Variants in PADI6 observed in about 807,000 individuals in gnomAD.
The protein encoded by PADI6 is inactive protein-arginine deiminase type-6.
PADI6 carries 66 observed loss-of-function variants against 78.2 expected under a neutral mutation model. That is an observed-to-expected ratio of 0.84 (90% CI 0.69 to 1.04). PADI6 has a LOEUF of 1.04. Among genes scored for constraint, PADI6 ranks in the 50% least tolerant of loss-of-function variants. The pLI is 0.00. For synonymous variants in PADI6, 397 were observed against 346.9 expected (o/e 1.14, Z -1.60); for missense variants, 854 against 866.1 (o/e 0.99, Z 0.18).
intron 11 of PADI6, 119 bp from the exon 12 acceptor site, chr1:17,394,832 C>T (rs374395920): frequency 1.4e-4 from 167 of 1,206,192 alleles, no homozygotes; most frequent in African/African-American, 4.1e-4. Context: ...CGCTATGGAC[C>T]GGCCTCTTTC....
chr1:17,376,845 T>C (rs1334103868), intron 3 of PADI6, among the ~76,000 whole-genome samples: 1 of 151,936 alleles, frequency 6.6e-6, no homozygotes, highest in Non-Finnish European at 1.5e-5. Context: ...AGTTTTTGGT[T>C]TGTGTGGGTT....
chr1:17,375,618 C>T, intron 3 of PADI6, 119 bp downstream of exon 3: 1 of 828,676 alleles, frequency 1.2e-6, no homozygotes, highest in Non-Finnish European at 1.9e-6. Context: ...TCCTGTGGGC[C>T]CCAGGAACTC....
chr1:17,400,487 A>G (rs1443608017), intron 15 of PADI6, among the ~76,000 whole-genome samples: 1 of 152,100 alleles, frequency 6.6e-6, no homozygotes, highest in East Asian at 1.9e-4. Flanking sequence ...AGCCTGGGCA[A>G]CAAGAGCAAA....
chr1:17,376,118 G>A (rs2075013516), intron 3 of PADI6, among the ~76,000 whole-genome samples: 1 of 152,008 alleles, frequency 6.6e-6, no homozygotes, highest in African/African-American at 2.4e-5. Context: ...GGGACTATAG[G>A]TGTGTGCCAC....
intron 8 of PADI6, among the ~76,000 whole-genome samples, chr1:17,391,548 A>T (rs1430620883): frequency 6.6e-6 from 1 of 152,206 alleles, no homozygotes. Context: ...TCAGCCTCAC[A>T]CACTGCTGTT....
At chr1:17,396,702 G>A (rs902180377) in intron 13 of PADI6, among the ~76,000 whole-genome samples, 3 of 152,038 alleles carry the variant, frequency 2.0e-5, no homozygotes, top group Admixed American at 6.5e-5. Flanking sequence ...CAAAGGTAAT[G>A]TAACCTGGAG....
intron 5 of PADI6, 30 bp downstream of exon 5, chr1:17,381,194 TTCTTGGTC>T: frequency 6.5e-7 from 1 of 1,540,464 alleles, no homozygotes; most frequent in East Asian, 2.4e-5. Context: ...CTGCCTTTCC[TTCTTGGTC>T]TCTTTGCTGC....
At position 17,389,208 on chromosome 1, in the gene PADI6, C is replaced by T. The variant is rs550018230; in HGVS notation, c.962+328C>T. On this transcript the variant is annotated intron_variant, in intron 8 of 15. Coordinates refer to ENST00000619609, the MANE Select transcript of PADI6 (RefSeq NM_207421.4). Reference sequence around the variant, plus strand: ...TGTCCCAGGGACGATGAAGCTCCTACGGAGCCAGAGAACAGGTGTGAGCCC... The same window carrying T: ...TGTCCCAGGGACGATGAAGCTCCTATGGAGCCAGAGAACAGGTGTGAGCCC... Among the ~76,000 whole-genome samples, 12 of 152,292 alleles carry T rather than the reference C, an allele frequency of 7.9e-5. No individual in the cohort carries two copies. In the South Asian group the frequency reaches 1.0e-3, roughly 13 times the overall value.
At position 17,394,364 on chromosome 1, in the gene PADI6, T is replaced by C. The variant is rs372065243; in HGVS notation, c.1247T>C (p.Ile416Thr). 97 of 1,613,708 alleles carry C rather than the reference T, an allele frequency of 6.0e-5. No individual in the cohort carries two copies. Among genetic ancestry groups the C allele is most frequent in the Middle Eastern group, 1.6e-4 (1 of 6,084 alleles). Residue 416 changes from isoleucine to threonine, a missense_variant, in exon 11 of 16, where the codon ATT (isoleucine) becomes ACT (threonine). Ile to Thr is a moderately conservative substitution (Grantham distance 89). Transcript: ENST00000619609. The stretch of plus-strand genomic sequence containing the variant: ...CATAAAGTGGCCAGCATGGATTCCA[T>C]TGGGAACCTGATGGTGTCCCCACCT... ...EDHKVASMDS[I>T]GNLMVSPPVK...
At chr1:17,373,471 GATTT>G (rs1320398884) in intron 2 of PADI6, among the ~76,000 whole-genome samples, 1 of 151,438 alleles carries the variant, frequency 6.6e-6, no homozygotes, top group East Asian at 2.0e-4. Context: ...GCAGGACTGG[GATTT>G]ATTTTTTATT....
intron 8 of PADI6, among the ~76,000 whole-genome samples, chr1:17,391,656 C>T (rs1464817468): frequency 4.6e-5 from 7 of 152,202 alleles, no homozygotes; most frequent in Non-Finnish European, 7.3e-5. Flanking sequence ...CAACGCCACA[C>T]ATATAAAAAT....
In PADI6 at chr1:17,384,597, G is replaced by GGT. The variant is rs202198293; in HGVS notation, c.679+2509_679+2510dup. ...CTGCTAAAAATACCAAAATTAGCTA[G>GGT]GTGTGGTGGCTTTAGCTTGTAATCC... is the stretch of plus-strand genomic sequence containing the variant. On this transcript the variant is annotated intron_variant, in intron 6 of 15. Coordinates refer to ENST00000619609, the MANE Select transcript of PADI6 (RefSeq NM_207421.4). Among the ~76,000 whole-genome samples the GGT allele has an allele frequency of 3.2e-3, 492 of 152,324 alleles. 3 individuals are homozygous for GGT. The highest frequency in any genetic ancestry group is 0.011 in the African/African-American group (452 of 41,572).
intron 8 of PADI6, among the ~76,000 whole-genome samples, chr1:17,389,890 C>T (rs1026616250): frequency 1.3e-5 from 2 of 152,242 alleles, no homozygotes; most frequent in Admixed American, 6.5e-5. Context: ...CTCCAGATTA[C>T]TACCACCACG....
chr1:17,396,406 G>A (rs1447204290), intron 13 of PADI6, among the ~76,000 whole-genome samples: 1 of 152,116 alleles, frequency 6.6e-6, no homozygotes, highest in Non-Finnish European at 1.5e-5. Flanking sequence ...AAAGGCTGTA[G>A]GAACCCAGAA....
At position 17,378,312 on chromosome 1, in the gene PADI6, C is replaced by T. The variant is rs137922177; in HGVS notation, c.368-1608C>T. Among the ~76,000 whole-genome samples the T allele has an allele frequency of 1.5e-4, 23 of 152,276 alleles. No homozygotes were observed. The East Asian group carries it at 2.1e-3, about 14-fold the overall frequency. The stretch of plus-strand genomic sequence containing the variant: ...AAGGAGATGAGGTCTCCGTCTTGCA[C>T]GCTGCTAGATCCCTAGGACCTGGGG... On this transcript the variant is annotated intron_variant, in intron 3 of 15. Coordinates refer to ENST00000619609, the MANE Select transcript of PADI6 (RefSeq NM_207421.4).
chr1:17,394,203 C>CG (rs2075222555), intron 10 of PADI6, 97 bp from the exon 11 acceptor site: 3 of 1,553,696 alleles, frequency 1.9e-6, no homozygotes, highest in Non-Finnish European at 2.6e-6. Flanking sequence ...GGGGAGGGGA[C>CG]GTGGAAGTCT....
At chr1:17,373,760 G>A (rs1239515738) in intron 2 of PADI6, among the ~76,000 whole-genome samples, 2 of 152,142 alleles carry the variant, frequency 1.3e-5, no homozygotes, top group African/African-American at 4.8e-5. Flanking sequence ...CCAAAGTGCT[G>A]GGATTACAGG....
chr1:17,397,401 G>A (rs2075257583), intron 14 of PADI6, among the ~76,000 whole-genome samples: 1 of 152,174 alleles, frequency 6.6e-6, no homozygotes, highest in South Asian at 2.1e-4. Context: ...GCTTGGAAGA[G>A]GGCTGGAAGT....
In PADI6 at chr1:17,394,100, G is replaced by T; in HGVS notation, c.1182+18G>T. ...ACTCACTGGTGTGGAACTTGGTTTG[G>T]CTAATCTGAGCTCAGTCCAATCTCT... is the stretch of plus-strand genomic sequence containing the variant. On this transcript the variant is annotated intron_variant, in intron 10 of 15. Transcript: ENST00000619609. 1 of 1,605,602 alleles carries T rather than the reference G, an allele frequency of 6.2e-7. No homozygotes were observed. The highest frequency in any genetic ancestry group is 8.5e-7 in the Non-Finnish European group (1 of 1,172,390).
Sources: gnomAD v4.1 joint callset for allele counts (sites outside exome capture counted in the v4.1 genomes callset) on GRCh38, gnomAD v4.1.1 for gene constraint, MANE v1.5 for transcripts, NCBI Gene and HGNC (gene_info 2026-07-23, HGNC 2026-07-21) for gene names.